FRMD6: variants seen among roughly 807,000 people sequenced by gnomAD.
FRMD6 encodes FERM domain containing 6, also known as FERM domain-containing protein 6.
In FRMD6, 37 loss-of-function variants were observed where a neutral mutation model predicts 73.2. The observed-to-expected ratio is 0.51, with a 90% CI of 0.39 to 0.66. The LOEUF (loss-of-function observed/expected upper bound fraction) is 0.66, where lower values mean the gene tolerates loss of function less well. Among genes scored for constraint, FRMD6 ranks in the 30% least tolerant of loss-of-function variants. The pLI is 0.00. For missense variants in FRMD6, 714 were observed against 780.5 expected (o/e 0.91, Z 1.02); for synonymous variants, 273 against 282.2 (o/e 0.97, Z 0.33).
At chr14:51,674,408 G>A (rs898726001) in intron 1 of FRMD6, among the ~76,000 whole-genome samples, 2 of 152,104 alleles carry the variant, frequency 1.3e-5, no homozygotes, top group African/African-American at 4.8e-5. Flanking sequence ...GCGAGTAAGT[G>A]AGCCATTTGT....
At chr14:51,680,233 C>T (rs1288081342) in intron 1 of FRMD6, among the ~76,000 whole-genome samples, 1 of 152,104 alleles carries the variant, frequency 6.6e-6, no homozygotes, top group Non-Finnish European at 1.5e-5. Flanking sequence ...AGGCCCAGGC[C>T]TCTCCACTAG....
At chr14:51,715,577 G>A (rs1484940794) in intron 10 of FRMD6, 78 bp downstream of exon 10, 4 of 1,248,164 alleles carry the variant, frequency 3.2e-6, no homozygotes, top group East Asian at 5.1e-5. Flanking sequence ...GGGGTTTTGA[G>A]CTCCTACAGA....
Position 51,564,196 on chromosome 14 carries a change from G to C in FRMD6, c.-209-6152G>C, listed in dbSNP as rs559763822. 2.6e-5 allele frequency among the ~76,000 whole-genome samples: 4 copies of C among 152,266 alleles called. No homozygotes were observed. The South Asian group carries it at 8.3e-4, about 32-fold the overall frequency. On this transcript the variant is annotated intron_variant, in intron 1 of 14. Coordinates refer to the FRMD6 transcript ENST00000356218. ...ATTTGATTGAGCCTCTCTTTACACAGTACTTATATTTGTCGTTACTTTTGA... is the reference window on the plus strand; with the variant it reads ...ATTTGATTGAGCCTCTCTTTACACACTACTTATATTTGTCGTTACTTTTGA...
intron 2 of FRMD6, among the ~76,000 whole-genome samples, chr14:51,577,918 T>C (rs2139638619): frequency 6.6e-6 from 1 of 152,322 alleles, no homozygotes; most frequent in East Asian, 1.9e-4. Flanking sequence ...TGATCTTTCG[T>C]TGCCTCAATT....
chr14:51,675,941 T>C (rs1048839627), intron 1 of FRMD6, among the ~76,000 whole-genome samples: 6 of 152,154 alleles, frequency 3.9e-5, no homozygotes, highest in African/African-American at 1.2e-4. Context: ...TCACATATAA[T>C]GAAAGGTATC....
chr14:51,699,933 G>A (rs940804607), intron 3 of FRMD6, among the ~76,000 whole-genome samples: 1 of 138,464 alleles, frequency 7.2e-6, no homozygotes, highest in African/African-American at 2.8e-5. Flanking sequence ...GATTTAAGTA[G>A]CATTCCTTTT....
chr14:51,489,059 G>A (rs531452106), upstream of FRMD6: 1 of 152,218 alleles, frequency 6.6e-6, no homozygotes, highest in Non-Finnish European at 1.5e-5. Flanking sequence ...TTGTGAAGGG[G>A]CAATGTAGCA....
chr14:51,686,449 G>A (rs1895156396), intron 1 of FRMD6, among the ~76,000 whole-genome samples: 1 of 152,094 alleles, frequency 6.6e-6, no homozygotes, highest in African/African-American at 2.4e-5. Context: ...AAAAGAAATG[G>A]AATAATTTTG....
the FRMD6 span, among the ~76,000 whole-genome samples, chr14:51,431,520 G>T: frequency 6.6e-6 from 1 of 152,330 alleles, no homozygotes; most frequent in South Asian, 2.1e-4. Context: ...TTCTTGAGAT[G>T]ATTAATGCCT....
At chr14:51,407,721 AC>A in the FRMD6 span, among the ~76,000 whole-genome samples, 1 of 152,046 alleles carries the variant, frequency 6.6e-6, no homozygotes, top group Non-Finnish European at 1.5e-5. Context: ...TTGTTCTTTG[AC>A]CTATAAATAA....
At chr14:51,502,735 A>G (rs1483100886) in intron 1 of FRMD6, among the ~76,000 whole-genome samples, 1 of 152,172 alleles carries the variant, frequency 6.6e-6, no homozygotes, top group African/African-American at 2.4e-5. Context: ...TTATGTGAAG[A>G]ATGTCAATGG....
At chr14:51,596,985 C>T (rs1406244728) in intron 2 of FRMD6, among the ~76,000 whole-genome samples, 1 of 152,184 alleles carries the variant, frequency 6.6e-6, no homozygotes, top group East Asian at 1.9e-4. Flanking sequence ...TTAACTAACA[C>T]ATGTAAATAT....
intron 2 of FRMD6, among the ~76,000 whole-genome samples, chr14:51,575,067 G>A (rs184633146): frequency 6.6e-6 from 1 of 152,272 alleles, no homozygotes; most frequent in Non-Finnish European, 1.5e-5. Context: ...TTTTATCACA[G>A]CATGGAGCCT....
At chr14:51,711,633 A>G (rs897026212) in intron 8 of FRMD6, 37 bp downstream of exon 8, 4 of 1,458,058 alleles carry the variant, frequency 2.7e-6, no homozygotes, top group South Asian at 1.1e-5. Flanking sequence ...GCTGTCAGCC[A>G]TGTCTTCTGT....
intron 1 of FRMD6, among the ~76,000 whole-genome samples, chr14:51,522,136 GT>G (rs973281868): frequency 6.6e-6 from 1 of 152,080 alleles, no homozygotes; most frequent in African/African-American, 2.4e-5. Flanking sequence ...CCTTAGATTT[GT>G]TTTTTAGCAG....
chr14:51,630,308 T>C (rs1336125738), intron 2 of FRMD6, among the ~76,000 whole-genome samples: 1 of 152,134 alleles, frequency 6.6e-6, no homozygotes, highest in Non-Finnish European at 1.5e-5. Context: ...AATCGTCATT[T>C]TACAGGTAAA....
chr14:51,633,777 A>G (rs1414331166), intron 2 of FRMD6, among the ~76,000 whole-genome samples: 1 of 152,196 alleles, frequency 6.6e-6, no homozygotes, highest in African/African-American at 2.4e-5. Context: ...TTAGAGTGGA[A>G]CTGTTTGTGA....
At chr14:51,725,660 C>A in intron 12 of FRMD6, 119 bp from the exon 13 acceptor site, 1 of 714,916 alleles carries the variant, frequency 1.4e-6, no homozygotes, top group Non-Finnish European at 2.4e-6. Context: ...CACAGTGAAA[C>A]TTTTTGGTAA....
chr14:51,406,124 G>T, the FRMD6 span, among the ~76,000 whole-genome samples: 1 of 152,052 alleles, frequency 6.6e-6, no homozygotes, highest in Non-Finnish European at 1.5e-5. Flanking sequence ...TGTCAAGTTT[G>T]TCAAAGAGAT....
Sources: allele counts gnomAD v4.1 joint callset (sites outside exome capture counted in the v4.1 genomes callset), GRCh38; gene constraint gnomAD v4.1.1; transcripts MANE v1.5; gene names NCBI Gene and HGNC (gene_info 2026-07-23, HGNC 2026-07-21).